Variants in PTPRZ1 observed in about 807,000 individuals in gnomAD.
PTPRZ1 encodes the protein receptor-type tyrosine-protein phosphatase zeta.
Under a neutral mutation model 214.1 loss-of-function variants are expected in PTPRZ1, and 82 were observed. That is an observed-to-expected ratio of 0.38 (90% CI 0.32 to 0.46). The LOEUF (loss-of-function observed/expected upper bound fraction) is 0.46. Among genes scored for constraint, PTPRZ1 ranks in the 20% least tolerant of loss-of-function variants. PTPRZ1 has a pLI of 1.00. For synonymous variants in PTPRZ1, 945 were observed against 987.9 expected, an observed-to-expected ratio of 0.96 and a Z score of 0.81; for missense variants, 2,603 against 2,748.7, an observed-to-expected ratio of 0.95 and a Z score of 1.19.
chr7:122,019,185 G>T lies in PTPRZ1; in HGVS notation c.4905G>T (p.Lys1635Asn). 2 of 1,611,760 alleles carry T rather than the reference G, an allele frequency of 1.2e-6. No individual in the cohort carries two copies. Among genetic ancestry groups the T allele is most frequent in the Non-Finnish European group, 1.7e-6 (2 of 1,177,950 alleles). The change falls in exon 13 of 30, where the codon AAG becomes AAT. Residue 1635 changes from lysine (K) to asparagine (N), a missense_variant. By Grantham distance (94) the Lys-to-Asn change is moderately conservative. Around this residue, in one of 6 missense-constraint regions of PTPRZ1, gnomAD observed 1,913 missense variants for 1,914.3 expected, o/e 1.00. Coordinates refer to ENST00000393386, the MANE Select transcript of PTPRZ1 (RefSeq NM_002851.3). ...IGLAEGLESE[K>N]KAVIPLVIVS... ...TAGCTGAGGGGTTGGAATCCGAGAA[G>T]AAGGCAGTTATACCCCTTGTGATCG...
At position 122,061,303 on chromosome 7, in the gene PTPRZ1, T is replaced by C. The variant is rs1161449474; in HGVS notation, c.*83T>C. 4.6e-6 allele frequency: 6 copies of C among 1,290,920 alleles called. No individual in the cohort carries two copies. The highest frequency in any genetic ancestry group is 6.1e-6 in the Non-Finnish European group (6 of 975,658). 80.0% of individuals were successfully genotyped at this position (1,290,920 alleles called of 1,614,324 possible). A position where few individuals can be genotyped will look rare whatever the true frequency, so the allele number is the denominator to read the frequency against. ...GGCAGGAAAATCAGTCTAGTTCTGT[T>C]ATCTGTTGATTTCCCATCACCTGAC... On this transcript the variant is annotated 3_prime_UTR_variant, in exon 30 of 30. Transcript: ENST00000393386.
At chr7:122,023,523 T>TTATATATATATAATTTTATATATAATTA (rs1799091386) in intron 13 of PTPRZ1, among the ~76,000 whole-genome samples, 1 of 113,220 alleles carries the variant, frequency 8.8e-6, no homozygotes, top group African/African-American at 3.8e-5. Context: ...TTATATATAA[T>TTATATATATATAATTTTATATATAATTA]TATATATATA....
Position 122,013,006 on chromosome 7 carries a change from T to G in PTPRZ1, c.3960T>G (p.Asp1320Glu), listed in dbSNP as rs1798726044. 6.2e-7 allele frequency: 1 copy of G among 1,614,072 alleles called. No individual in the cohort carries two copies. Among genetic ancestry groups the G allele is most frequent in the African/African-American group, 1.3e-5 (1 of 74,940 alleles). The change falls in exon 12 of 30, where the codon GAT becomes GAG. Residue 1320 changes from aspartate (D) to glutamate (E), a missense_variant. Physicochemically the swap from Asp to Glu is conservative, Grantham distance 45 (BLOSUM62 2). Transcript: ENST00000393386. ...HVFATPVLSI[D>E]EPLNTLINKL... ...TTGCTACACCTGTTTTATCAATTGATGAACCATTAAATACACTAATAAATA... is the reference window on the plus strand; with the variant it reads ...TTGCTACACCTGTTTTATCAATTGAGGAACCATTAAATACACTAATAAATA...
At chr7:121,956,402 A>G (rs1796707308) in intron 2 of PTPRZ1, among the ~76,000 whole-genome samples, 2 of 152,228 alleles carry the variant, frequency 1.3e-5, no homozygotes, top group Admixed American at 1.3e-4. Flanking sequence ...AAAATCAGAA[A>G]GCCACTATAA....
At position 122,061,972 on chromosome 7, in the gene PTPRZ1, C is replaced by T. The variant is rs546877327; in HGVS notation, c.*752C>T. The T allele has an allele frequency of 6.5e-6, 1 of 152,680 alleles. No individual in the cohort carries two copies. The highest frequency in any genetic ancestry group is 2.1e-4 in the South Asian group (1 of 4,824). 9.5% of individuals were successfully genotyped at this position (152,680 alleles called of 1,614,324 possible). A position where few individuals can be genotyped will look rare whatever the true frequency, so the allele number is the denominator to read the frequency against. ...AAGTTTTTATGAGAATAACACCTTA[C>T]CAAACATTGTTCAAATGGTTTTTAT... On this transcript the variant is annotated 3_prime_UTR_variant, in exon 30 of 30. Transcript: ENST00000393386.
At position 122,010,771 on chromosome 7, in the gene PTPRZ1, C is replaced by G. The variant is rs145019209; in HGVS notation, c.1725C>G (p.Thr575=). The stretch of plus-strand genomic sequence containing the variant: ...AATATGAGGAGGAGAGTTTATTGAC[C>G]AGTTTCAAGCTTGATACTGGAGCTG... The part of the protein sequence containing the change: ...ITEYEEESLL[T]SFKLDTGAED... Residue 575 remains threonine, a synonymous_variant, in exon 12 of 30, where the codon ACC becomes ACG. Transcript: ENST00000393386. 1.2e-6 allele frequency: 2 copies of G among 1,613,852 alleles called. No homozygotes were observed. The highest frequency in any genetic ancestry group is 1.7e-6 in the Non-Finnish European group (2 of 1,179,902).
At chr7:121,997,481 T>A (rs1402503919) in intron 9 of PTPRZ1, among the ~76,000 whole-genome samples, 2 of 152,168 alleles carry the variant, frequency 1.3e-5, no homozygotes, top group Non-Finnish European at 2.9e-5. Context: ...TTACTGTTCT[T>A]GCATATATAT....
Position 121,983,963 on chromosome 7 carries a change from T to C in PTPRZ1, c.778-4T>C. 1 of 1,610,712 alleles carries C rather than the reference T, an allele frequency of 6.2e-7. No homozygotes were observed. The highest frequency in any genetic ancestry group is 1.3e-5 in the African/African-American group (1 of 74,858). On this transcript the variant is annotated splice_region_variant and splice_polypyrimidine_tract_variant and intron_variant, in intron 7 of 29. Coordinates refer to ENST00000393386, the MANE Select transcript of PTPRZ1 (RefSeq NM_002851.3). ...TATGTTAAATTATTTGATCTTTTTT[T>C]CAGTTGGCTGTTTTTTGTGAAGTTC...
At chr7:121,956,642 C>A (rs2116473591) in intron 2 of PTPRZ1, among the ~76,000 whole-genome samples, 1 of 152,368 alleles carries the variant, frequency 6.6e-6, no homozygotes, top group South Asian at 2.1e-4. Context: ...TTGCCTGATG[C>A]ATTGGTGACC....
chr7:122,051,806 A>C, intron 24 of PTPRZ1, 60 bp from the exon 25 acceptor site: 1 of 1,403,020 alleles, frequency 7.1e-7, no homozygotes, highest in Non-Finnish European at 1.0e-6. Context: ...TGCTGTGAGC[A>C]TGAGTTGTTT....
intron 1 of PTPRZ1, among the ~76,000 whole-genome samples, chr7:121,892,084 A>G (rs1794645794): frequency 6.6e-6 from 1 of 152,100 alleles, no homozygotes; most frequent in African/African-American, 2.4e-5. Flanking sequence ...TGTATTTTTT[A>G]TGTCTTAGCG....
intron 1 of PTPRZ1, among the ~76,000 whole-genome samples, chr7:121,900,685 G>T (rs1451847450): frequency 1.3e-5 from 2 of 152,150 alleles, no homozygotes; most frequent in Non-Finnish European, 2.9e-5. Context: ...TTCCTGCCTG[G>T]CTCTAAATCT....
rs183196020 is a variant in PTPRZ1 at position 121,986,539 on chromosome 7, T to G, written c.928+2422T>G. Among the ~76,000 whole-genome samples the G allele has an allele frequency of 2.4e-4, 36 of 152,320 alleles. 1 individual carries two copies. Among genetic ancestry groups the G allele is most frequent in the African/African-American group, 6.3e-4 (26 of 41,582 alleles). On this transcript the variant is annotated intron_variant, in intron 8 of 29. Coordinates refer to ENST00000393386, the MANE Select transcript of PTPRZ1 (RefSeq NM_002851.3). ...TGGTGTTTTGGGTTCTAGAAATACA[T>G]GATAGGACCTATAAAGTAAGGAAAA...
Position 121,873,330 on chromosome 7 carries a change from A to ACACT in PTPRZ1, c.-167_-166insTCAC. 1 of 272,700 alleles carries ACACT rather than the reference A, an allele frequency of 3.7e-6. No individual in the cohort carries two copies. Among genetic ancestry groups the ACACT allele is most frequent in the Non-Finnish European group, 6.1e-6 (1 of 163,216 alleles). The allele number at this position is 272,700 out of a possible 1,614,324, so 16.9% of individuals were successfully genotyped here. ...CTCTGTCTCTGTCTCTCTCTCTCTCACACACACACACACACACACAAACAC... is the reference window on the plus strand; with the variant it reads ...CTCTGTCTCTGTCTCTCTCTCTCTCACACTCACACACACACACACACACAAACAC... On this transcript the variant is annotated 5_prime_UTR_variant, in exon 1 of 30. Coordinates refer to ENST00000393386, the MANE Select transcript of PTPRZ1 (RefSeq NM_002851.3).
chr7:121,976,133 G>A, intron 4 of PTPRZ1, 40 bp from the exon 5 acceptor site: 2 of 1,362,962 alleles, frequency 1.5e-6, no homozygotes, highest in Non-Finnish European at 2.1e-6. Flanking sequence ...TTTTTATGAA[G>A]TCTTTGTGTA....
chr7:122,051,454 G>A lies in PTPRZ1; in HGVS notation c.6111G>A (p.Gln2037=), dbSNP rs776674774. Residue 2037 remains glutamine, a synonymous_variant, in exon 24 of 30, where the codon CAG becomes CAA. Coordinates refer to ENST00000393386, the MANE Select transcript of PTPRZ1 (RefSeq NM_002851.3). ...TCCTGAGCCAGTCAAATATACAGCAGAGTGACTATTCTGCAGCCCTAAAGC... is the reference window on the plus strand; with the variant it reads ...TCCTGAGCCAGTCAAATATACAGCAAAGTGACTATTCTGCAGCCCTAAAGC... ...FQLLSQSNIQ[Q]SDYSAALKQC... The A allele has an allele frequency of 4.3e-6, 7 of 1,613,398 alleles. No homozygotes were observed. The Admixed American group carries it at 1.0e-4, about 23-fold the overall frequency.
In PTPRZ1 at chr7:122,034,299, T is replaced by C; in HGVS notation, c.5205T>C (p.Thr1735=). 1.9e-6 allele frequency: 3 copies of C among 1,613,442 alleles called. No individual in the cohort carries two copies. The highest frequency in any genetic ancestry group is 1.1e-5 in the South Asian group (1 of 91,028). ...KEFYQEVQSC[T]VDLGITADSS... ...TTTTACAGGAAGTGCAGAGCTGTAC[T>C]GTTGACTTAGGTATTACAGCAGACA... The change falls in exon 17 of 30, where the codon ACT becomes ACC. Residue 1735 remains threonine (T), a synonymous_variant. Coordinates refer to ENST00000393386, the MANE Select transcript of PTPRZ1 (RefSeq NM_002851.3).
chr7:121,934,711 C>T (rs2116397414), intron 2 of PTPRZ1, among the ~76,000 whole-genome samples: 1 of 152,264 alleles, frequency 6.6e-6, no homozygotes, highest in African/African-American at 2.4e-5. Context: ...ATCCGATAAT[C>T]TCACAAGAGG....
intron 2 of PTPRZ1, among the ~76,000 whole-genome samples, chr7:121,929,602 T>C (rs1795864456): frequency 6.6e-6 from 1 of 150,788 alleles, no homozygotes; most frequent in Non-Finnish European, 1.5e-5. Context: ...GGTCAGGAGT[T>C]CGAGATCAGC....
Sources: allele counts gnomAD v4.1 joint callset (sites outside exome capture counted in the v4.1 genomes callset), GRCh38; gene constraint gnomAD v4.1.1; regional missense constraint gnomAD v4.1.1; transcripts MANE v1.5; gene names NCBI Gene and HGNC (gene_info 2026-07-23, HGNC 2026-07-21).